Variants in ADK observed in about 807,000 individuals in gnomAD.
ADK encodes the protein N6,N6-dimethyladenosine kinase.
In ADK, 24 loss-of-function variants were observed where a neutral mutation model predicts 44.7. That is an observed-to-expected ratio of 0.54 (90% CI 0.39 to 0.76). ADK has a LOEUF of 0.76. Ranked by LOEUF, ADK falls within the 30% of genes least tolerant of loss-of-function variation. The pLI, the probability that ADK is intolerant of heterozygous loss-of-function variation, is 0.00. For missense variants in ADK, 321 were observed against 425.1 expected (o/e 0.76, Z 2.15); for synonymous variants, 128 against 142.6 (o/e 0.90, Z 0.73).
At chr10:74,313,055 C>G (rs938721965) in intron 3 of ADK, among the ~76,000 whole-genome samples, 24 of 151,488 alleles carry the variant, frequency 1.6e-4, no homozygotes, top group Admixed American at 1.6e-3. Context: ...GAATGTAGTG[C>G]ACTTACACTG....
At chr10:74,655,205 G>C (rs1207551354) in intron 9 of ADK, 7 of 347,868 alleles carry the variant, frequency 2.0e-5, no homozygotes. Flanking sequence ...AACATGAAAG[G>C]GACAGAGATG....
At chr10:74,700,668 A>G (rs756177296) in intron 10 of ADK, among the ~76,000 whole-genome samples, 12 of 152,112 alleles carry the variant, frequency 7.9e-5, no homozygotes, top group Admixed American at 7.9e-4. Flanking sequence ...GAAAATGTAC[A>G]TACATCTGCT....
chr10:74,192,469 G>A lies in ADK; in HGVS notation c.66-8295G>A, dbSNP rs561907832. Among the ~76,000 whole-genome samples the A allele has an allele frequency of 5.3e-5, 8 of 150,662 alleles. No individual in the cohort carries two copies. The South Asian group carries it at 6.3e-4, about 12-fold the overall frequency. On this transcript the variant is annotated intron_variant, in intron 1 of 10. Transcript: ENST00000539909. ...TCTCGAACTCCTGACCTTGTGATCC[G>A]CCCGCCTCGGCCTCCCAAAGTGCTG...
At chr10:74,533,425 G>C (rs1849357964) in intron 7 of ADK, among the ~76,000 whole-genome samples, 1 of 152,192 alleles carries the variant, frequency 6.6e-6, no homozygotes, top group South Asian at 2.1e-4. Context: ...TGTGGCATTG[G>C]TGTAATGATA....
chr10:74,532,425 C>G (rs1849319083), intron 7 of ADK, among the ~76,000 whole-genome samples: 1 of 147,410 alleles, frequency 6.8e-6, no homozygotes, highest in Non-Finnish European at 1.5e-5. Context: ...TTGCAGTGAG[C>G]CAAGATCATG....
rs181282994 is a variant in ADK at position 74,355,102 on chromosome 10, C to T, written c.274-39039C>T. Among the ~76,000 whole-genome samples the T allele has an allele frequency of 3.2e-3, 485 of 152,284 alleles. 5 individuals are homozygous for T. Among genetic ancestry groups the T allele is most frequent in the African/African-American group, 0.011 (454 of 41,552 alleles). On this transcript the variant is annotated intron_variant, in intron 4 of 10. Coordinates refer to ENST00000539909, the MANE Select transcript of ADK (RefSeq NM_006721.4). ...TTGGTCTCCCAATGTGCTAGAACTA[C>T]GGGCATGAGACACTGCACCTGCTCT...
chr10:74,686,687 T>C (rs568663838), intron 10 of ADK, among the ~76,000 whole-genome samples: 1 of 152,262 alleles, frequency 6.6e-6, no homozygotes, highest in South Asian at 2.1e-4. Context: ...GTTTTTTGTG[T>C]TTCTTTTTTA....
At chr10:74,508,926 A>T (rs962052604) in intron 6 of ADK, among the ~76,000 whole-genome samples, 1 of 152,144 alleles carries the variant, frequency 6.6e-6, no homozygotes, top group Non-Finnish European at 1.5e-5. Context: ...TATTGCTTTT[A>T]TATTTTTATT....
rs933751591 is a variant in ADK, at chr10:74,327,479, A to G, written c.273+12734A>G. ...AATGTGTAATCTTCAGCCGCTGGAT[A>G]GAATGTTCTGTAAATGTCTGTTAGG... On this transcript the variant is annotated intron_variant, in intron 4 of 10. Coordinates refer to ENST00000539909, the MANE Select transcript of ADK (RefSeq NM_006721.4). Among the ~76,000 whole-genome samples the G allele has an allele frequency of 3.9e-5, 6 of 152,226 alleles. No individual in the cohort carries two copies. In the East Asian group the frequency reaches 1.2e-3, roughly 29 times the overall value.
At chr10:74,247,887 G>A (rs1326192159) in intron 3 of ADK, among the ~76,000 whole-genome samples, 1 of 151,962 alleles carries the variant, frequency 6.6e-6, no homozygotes, top group Non-Finnish European at 1.5e-5. Flanking sequence ...GGCATTTATG[G>A]CAGCCCACCT....
intron 3 of ADK, among the ~76,000 whole-genome samples, chr10:74,251,629 T>C (rs1463355962): frequency 6.6e-6 from 1 of 152,138 alleles, no homozygotes; most frequent in African/African-American, 2.4e-5. Context: ...TTGACCAAGA[T>C]TGTTACAGCA....
chr10:74,177,945 A>ATATATATATATT (rs10693309), intron 1 of ADK, among the ~76,000 whole-genome samples: 23 of 108,960 alleles, frequency 2.1e-4, no homozygotes, highest in African/African-American at 6.3e-4. Flanking sequence ...ATATATATAT[A>ATATATATATATT]TTTTTTTTTT....
intron 2 of ADK, among the ~76,000 whole-genome samples, chr10:74,220,339 A>G (rs1844254909): frequency 6.6e-6 from 1 of 152,242 alleles, no homozygotes; most frequent in South Asian, 2.1e-4. Flanking sequence ...GAATCTCTGA[A>G]CAGACCAATA....
intron 10 of ADK, among the ~76,000 whole-genome samples, chr10:74,684,190 T>G (rs562778148): frequency 6.6e-6 from 1 of 152,232 alleles, no homozygotes; most frequent in Non-Finnish European, 1.5e-5. Context: ...CTTGGGAGTT[T>G]TGTAGCTTAA....
At chr10:74,584,649 T>C (rs1851473294) in intron 7 of ADK, among the ~76,000 whole-genome samples, 1 of 152,214 alleles carries the variant, frequency 6.6e-6, no homozygotes, top group African/African-American at 2.4e-5. Flanking sequence ...TTAGGAGTTA[T>C]AGTATTATTG....
At chr10:74,313,322 G>GT (rs1033619347) in intron 3 of ADK, among the ~76,000 whole-genome samples, 28 of 151,286 alleles carry the variant, frequency 1.9e-4, no homozygotes, top group South Asian at 1.0e-3. Context: ...TCTTTCTTCT[G>GT]TTTTTTTTGG....
intron 7 of ADK, among the ~76,000 whole-genome samples, chr10:74,579,567 T>A (rs1589267256): frequency 6.6e-6 from 1 of 152,114 alleles, no homozygotes; most frequent in East Asian, 1.9e-4. Context: ...CCCTACAATT[T>A]CCATAGCATT....
At chr10:74,353,466 T>G (rs764343156) in intron 4 of ADK, among the ~76,000 whole-genome samples, 31 of 151,050 alleles carry the variant, frequency 2.1e-4, no homozygotes, top group Non-Finnish European at 3.5e-4. Context: ...ATGCAGAGCT[T>G]AAAACTTAGA....
chr10:74,280,229 A>G (rs1846873166), intron 3 of ADK, among the ~76,000 whole-genome samples: 1 of 151,956 alleles, frequency 6.6e-6, no homozygotes, highest in Admixed American at 6.6e-5. Flanking sequence ...CAGCCTCCCA[A>G]GTAGCTGGGA....
Sources: gnomAD v4.1 joint callset for allele counts (sites outside exome capture counted in the v4.1 genomes callset) on GRCh38, gnomAD v4.1.1 for gene constraint, MANE v1.5 for transcripts, NCBI Gene and HGNC (gene_info 2026-07-23, HGNC 2026-07-21) for gene names.